PLEKHA5: variants seen among roughly 807,000 people sequenced by gnomAD.
PLEKHA5 encodes the protein pleckstrin homology domain-containing family A member 5.
Under a neutral mutation model 181.9 loss-of-function variants are expected in PLEKHA5, and 55 were observed. That is an observed-to-expected ratio of 0.30 (90% CI 0.24 to 0.38). The LOEUF (loss-of-function observed/expected upper bound fraction) is 0.38. PLEKHA5 is among the 10% of genes least tolerant of loss of function. The pLI is 1.00. For missense variants in PLEKHA5, 1,432 were observed against 1,549.5 expected, an observed-to-expected ratio of 0.92 and a Z score of 1.27; for synonymous variants, 535 against 529.4, an observed-to-expected ratio of 1.01 and a Z score of -0.15.
At chr12:19,255,200 G>C in intron 5 of PLEKHA5, 35 bp downstream of exon 5, 1 of 1,440,074 alleles carries the variant, frequency 6.9e-7, no homozygotes, top group Non-Finnish European at 9.5e-7. Flanking sequence ...TTATTGATAA[G>C]GAGTAAACAG....
chr12:19,303,796 A>G (rs970919859), intron 15 of PLEKHA5: 7 of 145,972 alleles, frequency 4.8e-5, no homozygotes, highest in Non-Finnish European at 1.0e-4. Context: ...TTGTTTTTTT[A>G]AGATATCCTT....
intron 15 of PLEKHA5, among the ~76,000 whole-genome samples, chr12:19,304,468 T>G (rs1277090351): frequency 6.6e-6 from 1 of 152,228 alleles, no homozygotes; most frequent in East Asian, 1.9e-4. Flanking sequence ...TTACTTAGTT[T>G]GAAGTTTTTT....
In PLEKHA5 at chr12:19,347,137, G is replaced by A; in HGVS notation, c.2853G>A (p.Lys951=). 3.2e-6 allele frequency: 5 copies of A among 1,550,388 alleles called. No individual in the cohort carries two copies. Among genetic ancestry groups the A allele is most frequent in the Non-Finnish European group, 4.4e-6 (5 of 1,146,158 alleles). Residue 951 remains lysine (K), a synonymous_variant, in exon 24 of 32, where the codon AAG becomes AAA. Coordinates refer to ENST00000429027, the MANE Select transcript of PLEKHA5 (RefSeq NM_001256470.2). The stretch of plus-strand genomic sequence containing the variant: ...GCCCAGTTCATCTGCCTGAAGAAAA[G>A]AAGATGTATCAAGTTCAAGGATATC... ...SRGPVHLPEE[K]KMYQVQGYPR...
intron 13 of PLEKHA5, among the ~76,000 whole-genome samples, chr12:19,289,484 G>A (rs1301998510): frequency 6.6e-6 from 1 of 151,356 alleles, no homozygotes; most frequent in Admixed American, 6.6e-5. Flanking sequence ...GAATTTTTAA[G>A]AGTACATTGC....
At chr12:19,145,308 C>A (rs943005752) in intron 3 of PLEKHA5, among the ~76,000 whole-genome samples, 3 of 152,100 alleles carry the variant, frequency 2.0e-5, no homozygotes, top group African/African-American at 7.2e-5. Flanking sequence ...AGGAGTAGCA[C>A]TATAGCCCTC....
At chr12:19,329,599 A>G (rs1236958192) in intron 20 of PLEKHA5, among the ~76,000 whole-genome samples, 1 of 152,132 alleles carries the variant, frequency 6.6e-6, no homozygotes, top group African/African-American at 2.4e-5. Context: ...TATTTCATCT[A>G]GATTTTCTAG....
At chr12:19,358,554 A>G (rs769128333) in intron 27 of PLEKHA5, 117 bp downstream of exon 27, 141 of 635,734 alleles carry the variant, frequency 2.2e-4, no homozygotes, top group Non-Finnish European at 3.5e-4. Context: ...CTTATTTTAT[A>G]TTATTTAATT....
chr12:19,266,023 C>A (rs956113089), intron 8 of PLEKHA5, among the ~76,000 whole-genome samples, 173 bp downstream of exon 8: 1 of 152,042 alleles, frequency 6.6e-6, no homozygotes, highest in African/African-American at 2.4e-5. Context: ...TTAGGAAGCA[C>A]GTGCTAAAAT....
At chr12:19,233,679 T>C (rs1364903129) in intron 3 of PLEKHA5, among the ~76,000 whole-genome samples, 1 of 152,180 alleles carries the variant, frequency 6.6e-6, no homozygotes, top group East Asian at 1.9e-4. Context: ...ACATAAGGGC[T>C]GAAAAATTAC....
At chr12:19,359,940 T>C (rs1565662737) in intron 28 of PLEKHA5, among the ~76,000 whole-genome samples, 1 of 150,874 alleles carries the variant, frequency 6.6e-6, no homozygotes, top group Non-Finnish European at 1.5e-5. Flanking sequence ...CACTCCAGCC[T>C]GGGCGACAGA....
intron 3 of PLEKHA5, among the ~76,000 whole-genome samples, chr12:19,143,284 A>G (rs1273843386): frequency 6.6e-6 from 1 of 152,238 alleles, no homozygotes; most frequent in Admixed American, 6.5e-5. Flanking sequence ...CCTTGCAGGC[A>G]CTTGCTTGAT....
intron 15 of PLEKHA5, among the ~76,000 whole-genome samples, chr12:19,306,194 C>G (rs537769190): frequency 2.0e-5 from 3 of 152,096 alleles, no homozygotes; most frequent in Admixed American, 2.0e-4. Flanking sequence ...TTAGAAATTT[C>G]AAGTAAAAAT....
chr12:19,171,348 T>A (rs888018302), intron 3 of PLEKHA5, among the ~76,000 whole-genome samples: 14 of 152,160 alleles, frequency 9.2e-5, no homozygotes, highest in Admixed American at 5.2e-4. Context: ...TCTTTTAATA[T>A]AAAAATGAAG....
rs371972893 is a variant in PLEKHA5 at position 19,347,126 on chromosome 12, C to T, written c.2842C>T (p.Pro948Ser). ...LCYSRGPVHLPEEKKMYQVQG... is the reference protein window; with the variant it reads ...LCYSRGPVHLSEEKKMYQVQG... ...TTATAGCAGGGGCCCAGTTCATCTG[C>T]CTGAAGAAAAGAAGATGTATCAAGT... The change falls in exon 24 of 32, where the codon CCT becomes TCT. Residue 948 changes from proline (P) to serine (S), a missense_variant. By Grantham distance (74) the Pro-to-Ser change is moderately conservative. Coordinates refer to ENST00000429027, the MANE Select transcript of PLEKHA5 (RefSeq NM_001256470.2). The T allele has an allele frequency of 1.3e-3, 2,059 of 1,549,912 alleles. 3 individuals are homozygous for T. The highest frequency in any genetic ancestry group is 3.3e-3 in the Middle Eastern group (20 of 5,982).
intron 7 of PLEKHA5, among the ~76,000 whole-genome samples, chr12:19,262,493 C>T (rs938223868): frequency 6.6e-6 from 1 of 152,146 alleles, no homozygotes; most frequent in Non-Finnish European, 1.5e-5. Context: ...CCTGCCTCAG[C>T]CTCCCAAAGT....
intron 12 of PLEKHA5, 111 bp from the exon 13 acceptor site, chr12:19,287,362 T>C: frequency 1.4e-6 from 1 of 729,370 alleles, no homozygotes; most frequent in Non-Finnish European, 2.5e-6. Context: ...TAAGCACTAA[T>C]AGCAATTTTA....
In PLEKHA5 at chr12:19,202,292, TAAG is replaced by T. The variant is rs769740617; in HGVS notation, c.228-51646_228-51644del. ...ATTTGTTTACCAGGTAGAATATTAA[TAAG>T]ATCTATTATGTGAGGATTTGTGAAT... On this transcript the variant is annotated intron_variant, in intron 3 of 31. Transcript: ENST00000429027. Among the ~76,000 whole-genome samples the T allele has an allele frequency of 4.6e-5, 7 of 152,100 alleles. No homozygotes were observed. In the East Asian group the frequency reaches 1.4e-3, roughly 29 times the overall value.
At chr12:19,142,888 AT>A (rs1183266979) in intron 3 of PLEKHA5, among the ~76,000 whole-genome samples, 1 of 152,022 alleles carries the variant, frequency 6.6e-6, no homozygotes, top group African/African-American at 2.4e-5. Flanking sequence ...ATCATGCAGT[AT>A]TTTTCTTTTT....
chr12:19,338,286 A>C (rs2093611542), intron 21 of PLEKHA5, among the ~76,000 whole-genome samples: 1 of 151,798 alleles, frequency 6.6e-6, no homozygotes, highest in Non-Finnish European at 1.5e-5. Context: ...GAAACCTTGA[A>C]CTCCTGGGCC....
Sources: allele counts gnomAD v4.1 joint callset (sites outside exome capture counted in the v4.1 genomes callset), GRCh38; gene constraint gnomAD v4.1.1; transcripts MANE v1.5; gene names NCBI Gene and HGNC (gene_info 2026-07-23, HGNC 2026-07-21).